Variants in SUCLG2 observed in about 807,000 individuals in gnomAD.
SUCLG2 encodes the protein succinate-CoA ligase GDP-forming subunit beta.
Under a neutral mutation model 47.9 loss-of-function variants are expected in SUCLG2, and 42 were observed. The ratio of observed to expected loss-of-function variants is 0.88; its 90% confidence interval spans 0.69 to 1.14. The LOEUF (loss-of-function observed/expected upper bound fraction) is 1.14. Among genes scored for constraint, SUCLG2 ranks in the 50% most tolerant of loss-of-function variants. SUCLG2 has a pLI of 0.00. For missense variants in SUCLG2, 571 were observed against 525.9 expected, an observed-to-expected ratio of 1.09 and a Z score of -0.84; for synonymous variants, 195 against 197.3, an observed-to-expected ratio of 0.99 and a Z score of 0.10.
At chr3:67,526,877 A>C (rs1013467057) in intron 4 of SUCLG2, among the ~76,000 whole-genome samples, 3 of 152,238 alleles carry the variant, frequency 2.0e-5, no homozygotes, top group African/African-American at 7.2e-5. Flanking sequence ...AAACCTGTTC[A>C]TGAATGTCTA....
At chr3:67,519,275 T>C (rs753547340) in intron 5 of SUCLG2, among the ~76,000 whole-genome samples, 3 of 152,188 alleles carry the variant, frequency 2.0e-5, no homozygotes, top group Non-Finnish European at 2.9e-5. Context: ...CCATCCAGGG[T>C]GGGCTCTTAC....
chr3:67,528,621 G>C (rs12495506), intron 3 of SUCLG2, among the ~76,000 whole-genome samples: 4,660 of 152,290 alleles, frequency 0.031, 162 homozygotes, highest in East Asian at 0.17. Flanking sequence ...AAAAAGGTGT[G>C]TGACAGGAAC....
At chr3:67,483,056 T>C (rs2107021462) in intron 9 of SUCLG2, among the ~76,000 whole-genome samples, 1 of 152,236 alleles carries the variant, frequency 6.6e-6, no homozygotes, top group South Asian at 2.1e-4. Context: ...TGCTAATATG[T>C]GTGTTTGCAG....
At position 67,476,812 on chromosome 3, in the gene SUCLG2, C is replaced by T. The variant is rs72923138; in HGVS notation, c.1062+18986G>A. Among the ~76,000 whole-genome samples the T allele has an allele frequency of 1.2e-3, 181 of 152,216 alleles. 1 individual carries two copies. Among genetic ancestry groups the T allele is most frequent in the African/African-American group, 4.1e-3 (172 of 41,520 alleles). ...CTTCAGGTGGCATGAGTTAATAATT[C>T]CAGAGACTGCAGCAGTGGAAGATAA... On this transcript the variant is annotated intron_variant, in intron 9 of 10. Transcript: ENST00000307227.
intron 1 of SUCLG2, among the ~76,000 whole-genome samples, chr3:67,654,166 G>A (rs1701339212): frequency 6.6e-6 from 1 of 152,226 alleles, no homozygotes; most frequent in African/African-American, 2.4e-5. Context: ...AAAACCTCAG[G>A]GCTCCAAAAC....
chr3:67,557,500 C>A (rs1405865722), intron 2 of SUCLG2, among the ~76,000 whole-genome samples: 1 of 152,132 alleles, frequency 6.6e-6, no homozygotes, highest in Non-Finnish European at 1.5e-5. Flanking sequence ...CAGATGACAT[C>A]AAATTATTTG....
At chr3:67,454,610 A>C (rs1018513528) in intron 9 of SUCLG2, among the ~76,000 whole-genome samples, 5 of 152,128 alleles carry the variant, frequency 3.3e-5, no homozygotes, top group South Asian at 2.1e-4. Flanking sequence ...ACATCATGAC[A>C]CTTCACTCCC....
At chr3:67,479,507 C>A (rs1461605277) in intron 9 of SUCLG2, among the ~76,000 whole-genome samples, 4 of 152,152 alleles carry the variant, frequency 2.6e-5, no homozygotes, top group African/African-American at 7.2e-5. Flanking sequence ...AAAGATCTGA[C>A]CACTGTCCTT....
chr3:67,593,537 T>A (rs939487954), intron 2 of SUCLG2, among the ~76,000 whole-genome samples: 1 of 152,160 alleles, frequency 6.6e-6, no homozygotes, highest in Non-Finnish European at 1.5e-5. Context: ...AGACATCAGC[T>A]CCACCACATC....
intron 1 of SUCLG2, 133 bp downstream of exon 1, chr3:67,654,370 G>A (rs951424230): frequency 6.0e-6 from 4 of 669,298 alleles, no homozygotes. Flanking sequence ...CCGGCGCCGC[G>A]TCACCTCCCG....
rs1019272149 is a variant in SUCLG2, at chr3:67,498,170, T to C, written c.883A>G (p.Lys295Glu). ...ATGTTCCCATCTAGTCCTATGTATT[T>C]TAGATCATATTTGGCAGCTTCATTT... ...IENEAAKYDL[K>E]YIGLDGNIAC... Residue 295 changes from lysine (K) to glutamate (E), a missense_variant, in exon 8 of 11, where the codon AAA (lysine) becomes GAA (glutamate). Transcript: ENST00000307227. The C allele has an allele frequency of 2.5e-6, 4 of 1,613,300 alleles. No individual in the cohort carries two copies. The highest frequency in any genetic ancestry group is 2.5e-6 in the Non-Finnish European group (3 of 1,179,760).
chr3:67,476,646 T>C (rs1229816864), intron 9 of SUCLG2, among the ~76,000 whole-genome samples: 2 of 152,104 alleles, frequency 1.3e-5, no homozygotes, highest in Admixed American at 6.6e-5. Flanking sequence ...CCTCACTCAG[T>C]AGAAAAACTG....
chr3:67,626,941 A>T (rs1017935624), intron 1 of SUCLG2, among the ~76,000 whole-genome samples: 5 of 149,628 alleles, frequency 3.3e-5, no homozygotes, highest in African/African-American at 9.8e-5. Context: ...AAAAAAGCAT[A>T]ATACATCAGA....
intron 5 of SUCLG2, among the ~76,000 whole-genome samples, chr3:67,519,627 A>G (rs1258371650): frequency 2.6e-5 from 4 of 152,182 alleles, no homozygotes; most frequent in African/African-American, 9.7e-5. Context: ...AGATTTAAGA[A>G]ATAAAATCTC....
rs113119377 is a variant in SUCLG2, at chr3:67,475,988, C to CCTCTCT, written c.1062+19804_1062+19809dup. 2.3e-3 allele frequency among the ~76,000 whole-genome samples: 335 copies of CCTCTCT among 146,126 alleles called. 1 individual carries two copies. The highest frequency in any genetic ancestry group is 6.9e-3 in the African/African-American group (276 of 40,006). On this transcript the variant is annotated intron_variant, in intron 9 of 10. Coordinates refer to ENST00000307227, the MANE Select transcript of SUCLG2 (RefSeq NM_003848.4). The stretch of plus-strand genomic sequence containing the variant: ...TGAGTATTCCTTCCCTTTCCTTCTC[C>CCTCTCT]CTCTCTCTCTCTCTCTCTCTCTCTC...
intron 2 of SUCLG2, among the ~76,000 whole-genome samples, chr3:67,557,884 T>C (rs1707203264): frequency 6.6e-6 from 1 of 152,198 alleles, no homozygotes; most frequent in South Asian, 2.1e-4. Context: ...AGAGTGACCT[T>C]AGGCTTGCAG....
At chr3:67,646,674 A>G (rs1162910751) in intron 1 of SUCLG2, among the ~76,000 whole-genome samples, 1 of 152,196 alleles carries the variant, frequency 6.6e-6, no homozygotes, top group Non-Finnish European at 1.5e-5. Context: ...GGTATCTTAC[A>G]AAGAAATATA....
chr3:67,554,808 C>T (rs1707113179), intron 2 of SUCLG2, among the ~76,000 whole-genome samples: 1 of 152,080 alleles, frequency 6.6e-6, no homozygotes, highest in South Asian at 2.1e-4. Flanking sequence ...ACGCCCACAA[C>T]TAGTTACAAG....
intron 2 of SUCLG2, among the ~76,000 whole-genome samples, chr3:67,593,786 T>C (rs892734108): frequency 6.6e-6 from 1 of 152,212 alleles, no homozygotes; most frequent in Non-Finnish European, 1.5e-5. Context: ...CCCCCGACTA[T>C]GGTGAACTTT....
Sources: gnomAD v4.1 joint callset for allele counts (sites outside exome capture counted in the v4.1 genomes callset) on GRCh38, gnomAD v4.1.1 for gene constraint, MANE v1.5 for transcripts, NCBI Gene and HGNC (gene_info 2026-07-23, HGNC 2026-07-21) for gene names.